FGF12: variants seen among roughly 807,000 people sequenced by gnomAD.
FGF12 encodes fibroblast growth factor 12.
FGF12 carries 14 observed loss-of-function variants against 23.6 expected under a neutral mutation model. The observed-to-expected ratio is 0.59, with a 90% CI of 0.39 to 0.93. FGF12 has a LOEUF of 0.93. FGF12 is among the 40% of genes least tolerant of loss of function. The probability of loss-of-function intolerance (pLI) is 0.00; values close to 1 mark genes in which losing one functional copy is unlikely to be tolerated. For synonymous variants in FGF12, 62 were observed against 77.3 expected (o/e 0.80, Z 1.04); for missense variants, 175 against 217.8 (o/e 0.80, Z 1.24).
chr3:192,372,363 G>C (rs896550359), intron 2 of FGF12, among the ~76,000 whole-genome samples: 2 of 150,488 alleles, frequency 1.3e-5, no homozygotes, highest in African/African-American at 4.9e-5. Context: ...TGTTAAATGT[G>C]ACTTTTGTCT....
At position 192,718,824 on chromosome 3, in the gene FGF12, C is replaced by G. The variant is rs1718943998; in HGVS notation, c.13+8357G>C. ...AATTCACAGCATTAAAAAGCTAGCT[C>G]AAACCCACACTGAGTCCTTAAAATT... is the stretch of plus-strand genomic sequence containing the variant. On this transcript the variant is annotated intron_variant, in intron 2 of 5. Transcript: ENST00000445105. Among the ~76,000 whole-genome samples the G allele has an allele frequency of 2.6e-5, 4 of 152,276 alleles. No individual in the cohort carries two copies. The South Asian group carries it at 8.3e-4, about 32-fold the overall frequency.
At chr3:192,214,943 G>T (rs1718113526) in intron 4 of FGF12, among the ~76,000 whole-genome samples, 1 of 152,228 alleles carries the variant, frequency 6.6e-6, no homozygotes, top group Non-Finnish European at 1.5e-5. Context: ...TTCCACAGCT[G>T]CTGGGAGAAC....
chr3:192,225,921 A>G (rs1316962320), intron 4 of FGF12, among the ~76,000 whole-genome samples: 1 of 152,218 alleles, frequency 6.6e-6, no homozygotes, highest in Admixed American at 6.5e-5. Context: ...ACAGACAGAT[A>G]GTAAACTGAT....
chr3:192,159,857 C>G (rs1472549058), intron 5 of FGF12, among the ~76,000 whole-genome samples: 1 of 152,004 alleles, frequency 6.6e-6, no homozygotes, highest in Admixed American at 6.6e-5. Flanking sequence ...ATTATAGAAC[C>G]CAAAGTCCCA....
chr3:192,658,656 C>T (rs1227919237), intron 2 of FGF12, among the ~76,000 whole-genome samples: 1 of 151,782 alleles, frequency 6.6e-6, no homozygotes, highest in African/African-American at 2.4e-5. Context: ...CATAGTTTTG[C>T]ATAACTTAGG....
At chr3:192,317,926 A>G (rs777886707) in intron 4 of FGF12, among the ~76,000 whole-genome samples, 8 of 152,156 alleles carry the variant, frequency 5.3e-5, no homozygotes, top group Non-Finnish European at 1.2e-4. Flanking sequence ...AGTAAGAGAA[A>G]GGAACAAGGG....
In FGF12 at chr3:192,247,054, AAGGAAGGAAGGAAGGAAG is replaced by A. The variant is rs1364202435; in HGVS notation, c.229-76416_229-76399del. On this transcript the variant is annotated intron_variant, in intron 4 of 5. Coordinates refer to ENST00000445105, the MANE Select transcript of FGF12 (RefSeq NM_004113.6). ...GAAAGAAGGAAGGAAGGAAGGAAGG[AAGGAAGGAAGGAAGGAAG>A]GAAGGAAGGAAGGAAGGAAGGAAGG... Among the ~76,000 whole-genome samples, 6 of 120,128 alleles carry A rather than the reference AAGGAAGGAAGGAAGGAAG, an allele frequency of 5.0e-5. No individual in the cohort carries two copies. The South Asian group carries it at 1.9e-3, about 37-fold the overall frequency. 78.8% of individuals were successfully genotyped at this position (120,128 alleles called of 152,430 possible).
At chr3:192,727,000 G>A in intron 2 of FGF12, 181 bp downstream of exon 2, 1 of 701,388 alleles carries the variant, frequency 1.4e-6, no homozygotes, top group Non-Finnish European at 2.5e-6. Context: ...TCCAAGCTGT[G>A]GGAGTTAAAA....
intron 2 of FGF12, among the ~76,000 whole-genome samples, chr3:192,457,502 G>A (rs1423263448): frequency 6.6e-6 from 1 of 152,174 alleles, no homozygotes; most frequent in Non-Finnish European, 1.5e-5. Context: ...GGTGACTCTT[G>A]CTACATTTTA....
intron 2 of FGF12, among the ~76,000 whole-genome samples, chr3:192,625,928 T>G (rs1251507836): frequency 6.6e-6 from 1 of 152,194 alleles, no homozygotes; most frequent in African/African-American, 2.4e-5. Context: ...TAAAAGTAAA[T>G]TGATAGCTAG....
At chr3:192,225,357 G>A (rs1001624305) in intron 4 of FGF12, among the ~76,000 whole-genome samples, 9 of 151,838 alleles carry the variant, frequency 5.9e-5, no homozygotes, top group Non-Finnish European at 8.8e-5. Flanking sequence ...TAATCATCTC[G>A]TCTTTGATTT....
At position 192,408,238 on chromosome 3, in the gene FGF12, G is replaced by A. The variant is rs1721046720; in HGVS notation, c.14-47700C>T. 1 of 1,584,238 alleles carries A rather than the reference G, an allele frequency of 6.3e-7. No individual in the cohort carries two copies. Among genetic ancestry groups the A allele is most frequent in the Admixed American group, 1.7e-5 (1 of 58,876 alleles). ...GCCGCAGCCATAGCTGCTCAGCGAG[G>A]GCCTCAGGCCCCAGCCTCTACTGCG... On this transcript the variant is annotated intron_variant, in intron 2 of 5. Transcript: ENST00000445105. The surrounding 1 kb of genome is among the most constrained non-coding windows in gnomAD (Gnocchi z 7.3).
intron 2 of FGF12, among the ~76,000 whole-genome samples, chr3:192,433,847 C>T (rs1264948666): frequency 6.6e-6 from 1 of 152,244 alleles, no homozygotes; most frequent in Non-Finnish European, 1.5e-5. Context: ...ACAATTCAAT[C>T]TCTTGCCATG....
At chr3:192,553,658 AG>A (rs1711623205) in intron 2 of FGF12, among the ~76,000 whole-genome samples, 1 of 152,182 alleles carries the variant, frequency 6.6e-6, no homozygotes, top group Non-Finnish European at 1.5e-5. Flanking sequence ...CATTGAAACC[AG>A]TAAGAAAATT....
chr3:192,210,876 C>T (rs1481837283), intron 4 of FGF12, among the ~76,000 whole-genome samples: 1 of 151,984 alleles, frequency 6.6e-6, no homozygotes, highest in African/African-American at 2.4e-5. Flanking sequence ...GTAGATGAGA[C>T]CAAAGACAGT....
chr3:192,467,912 C>G (rs148654217), intron 2 of FGF12, among the ~76,000 whole-genome samples: 75 of 152,274 alleles, frequency 4.9e-4, no homozygotes, highest in African/African-American at 1.7e-3. Context: ...AGGCACCGAG[C>G]ACAACAGGCC....
At chr3:192,502,998 T>C (rs996948651) in intron 2 of FGF12, among the ~76,000 whole-genome samples, 23 of 152,252 alleles carry the variant, frequency 1.5e-4, no homozygotes, top group Non-Finnish European at 2.8e-4. Context: ...CAGTCTGTTT[T>C]TTCTTAAGAC....
intron 2 of FGF12, among the ~76,000 whole-genome samples, chr3:192,710,122 C>G (rs116502217): frequency 6.6e-6 from 1 of 152,206 alleles, no homozygotes; most frequent in Non-Finnish European, 1.5e-5. Context: ...ATGACCCTTA[C>G]GTCTGACAGC....
intron 2 of FGF12, among the ~76,000 whole-genome samples, chr3:192,531,126 T>C (rs1433043938): frequency 6.6e-6 from 1 of 152,224 alleles, no homozygotes; most frequent in Non-Finnish European, 1.5e-5. Flanking sequence ...AGTTTAATGT[T>C]TTAAAACTAT....
Sources: allele counts gnomAD v4.1 joint callset (sites outside exome capture counted in the v4.1 genomes callset), GRCh38; gene constraint gnomAD v4.1.1; non-coding constraint Gnocchi (gnomAD v3.1); transcripts MANE v1.5; gene names NCBI Gene and HGNC (gene_info 2026-07-23, HGNC 2026-07-21).